BIRC6: variants seen among roughly 807,000 people sequenced by gnomAD.
The protein encoded by BIRC6 is baculoviral IAP repeat containing 6.
A neutral mutation model predicts 503.3 loss-of-function variants in BIRC6; 98 were observed. That is an observed-to-expected ratio of 0.19 (90% confidence interval 0.17 to 0.23). BIRC6 has a LOEUF of 0.23. Among genes scored for constraint, BIRC6 ranks in the 10% least tolerant of loss-of-function variants. BIRC6 has a pLI of 1.00. For synonymous variants in BIRC6, 2,240 were observed against 2,078.7 expected, an observed-to-expected ratio of 1.08 and a Z score of -2.11; for missense variants, 5,360 against 5,806.0, an observed-to-expected ratio of 0.92 and a Z score of 2.50.
In BIRC6 at chr2:32,470,385, T is replaced by C. The variant is rs1351883120; in HGVS notation, c.6481+84T>C. On this transcript the variant is annotated intron_variant, in intron 31 of 73. Transcript: ENST00000421745. ...ATAAAATATCTTCTCTGAAATACTT[T>C]AATAATTATTTGCAGCACATTTAAT... is the stretch of plus-strand genomic sequence containing the variant. 4 of 1,256,522 alleles carry C rather than the reference T, an allele frequency of 3.2e-6. No homozygotes were observed. The Admixed American group carries it at 9.4e-5, about 30-fold the overall frequency. The allele number at this position is 1,256,522 out of a possible 1,614,324, so 77.8% of individuals were successfully genotyped here.
intron 23 of BIRC6, among the ~76,000 whole-genome samples, chr2:32,455,302 C>A (rs1366452459): frequency 6.8e-6 from 1 of 146,150 alleles, no homozygotes; most frequent in Non-Finnish European, 1.5e-5. Flanking sequence ...ATGGCGTGAA[C>A]GTGAGAGGTG....
At chr2:32,531,805 G>A (rs1471950709) in intron 61 of BIRC6, among the ~76,000 whole-genome samples, 1 of 152,148 alleles carries the variant, frequency 6.6e-6, no homozygotes, top group African/African-American at 2.4e-5. Flanking sequence ...TGATTTCATG[G>A]TTGTAACACT....
chr2:32,532,164 T>TGTGTGTGTGG lies in BIRC6; in HGVS notation c.12291+620_12291+621insTGGGTGTGTG, dbSNP rs750782604. Reference sequence around the variant, plus strand: ...GTGTGTGTGTGTGTGTGTGTGTGTGTGTGTGTGGTTATTTTGGTATAGTAG... The same window carrying TGTGTGTGTGG: ...GTGTGTGTGTGTGTGTGTGTGTGTGTGTGTGTGTGGGTGTGTGGTTATTTTGGTATAGTAG... On this transcript the variant is annotated intron_variant, in intron 61 of 73. Transcript: ENST00000421745. 9.4e-6 allele frequency: 5 copies of TGTGTGTGTGG among 532,096 alleles called. No individual in the cohort carries two copies. In the Admixed American group the frequency reaches 9.7e-5, roughly 10 times the overall value. 33.0% of individuals were successfully genotyped at this position (532,096 alleles called of 1,614,324 possible).
chr2:32,480,663 C>T (rs527463798), intron 37 of BIRC6, among the ~76,000 whole-genome samples: 39 of 70,626 alleles, frequency 5.5e-4, no homozygotes, highest in Non-Finnish European at 6.4e-4. Context: ...TTTTTTGAGA[C>T]GGAGTCTTGC....
intron 1 of BIRC6, among the ~76,000 whole-genome samples, chr2:32,362,289 C>G (rs1027294683): frequency 9.3e-5 from 14 of 150,108 alleles, no homozygotes; most frequent in Admixed American, 7.3e-4. Context: ...GCTTATTTGT[C>G]TCTTTTTATA....
At chr2:32,374,240 A>G (rs555913200) in intron 1 of BIRC6, among the ~76,000 whole-genome samples, 6 of 152,248 alleles carry the variant, frequency 3.9e-5, no homozygotes, top group African/African-American at 1.4e-4. Flanking sequence ...CCATGTTTAT[A>G]TAGTCATATC....
chr2:32,573,300 C>T (rs1015456557), intron 65 of BIRC6, among the ~76,000 whole-genome samples: 2 of 152,102 alleles, frequency 1.3e-5, no homozygotes, highest in South Asian at 2.1e-4. Context: ...TGAGTTCAAG[C>T]GATTCTCCTG....
intron 56 of BIRC6, 151 bp from the exon 57 acceptor site, chr2:32,518,666 C>T: frequency 9.6e-7 from 1 of 1,038,040 alleles, no homozygotes; most frequent in South Asian, 1.8e-5. Flanking sequence ...AAAAGTTGAC[C>T]AACAAATCAT....
chr2:32,457,433 T>C (rs2047375701), intron 23 of BIRC6, among the ~76,000 whole-genome samples: 1 of 152,160 alleles, frequency 6.6e-6, no homozygotes, highest in Non-Finnish European at 1.5e-5. Flanking sequence ...TTAGGGCTGA[T>C]TATATTTTTT....
chr2:32,501,967 A>C lies in BIRC6; in HGVS notation c.9207+79A>C, dbSNP rs893257483. ...AAGTGGAAAATTACAGGACAAAGATAAATAAGTATATTTATTATATATCGG... is the reference window on the plus strand; with the variant it reads ...AAGTGGAAAATTACAGGACAAAGATCAATAAGTATATTTATTATATATCGG... On this transcript the variant is annotated intron_variant, in intron 47 of 73. Transcript: ENST00000421745. The C allele has an allele frequency of 3.1e-6, 4 of 1,303,638 alleles. No individual in the cohort carries two copies. The East Asian group carries it at 9.3e-5, about 30-fold the overall frequency. 80.8% of individuals were successfully genotyped at this position (1,303,638 alleles called of 1,614,324 possible). A position where few individuals can be genotyped will look rare whatever the true frequency, so the allele number is the denominator to read the frequency against.
intron 21 of BIRC6, among the ~76,000 whole-genome samples, chr2:32,448,448 A>G (rs765880112): frequency 1.0e-3 from 151 of 151,568 alleles, no homozygotes; most frequent in African/African-American, 3.2e-3. Context: ...TAGGAGCTGG[A>G]GACCAGCCCG....
chr2:32,486,291 C>T (rs1464428435), intron 40 of BIRC6, among the ~76,000 whole-genome samples: 1 of 152,118 alleles, frequency 6.6e-6, no homozygotes, highest in Non-Finnish European at 1.5e-5. Flanking sequence ...TTAGGCTTTC[C>T]TTGCCATATG....
chr2:32,390,085 C>A (rs1003941261), intron 4 of BIRC6, among the ~76,000 whole-genome samples: 1 of 152,190 alleles, frequency 6.6e-6, no homozygotes, highest in African/African-American at 2.4e-5. Context: ...GTGTCGAACT[C>A]CCTACCTCAG....
intron 69 of BIRC6, 80 bp from the exon 70 acceptor site, chr2:32,599,659 T>C (rs1466313965): frequency 2.1e-6 from 3 of 1,444,590 alleles, no homozygotes; most frequent in African/African-American, 1.4e-5. Context: ...GTTGTTCTTA[T>C]TTCATGTTGG....
In BIRC6 at chr2:32,415,386, A is replaced by C. The variant is rs754628240; in HGVS notation, c.2095A>C (p.Thr699Pro). The C allele has an allele frequency of 6.2e-7, 1 of 1,613,932 alleles. No homozygotes were observed. Among genetic ancestry groups the C allele is most frequent in the South Asian group, 1.1e-5 (1 of 91,082 alleles). The change falls in exon 10 of 74, where the codon ACC becomes CCC. Residue 699 changes from threonine (T) to proline (P), a missense_variant. Physicochemically the swap from Thr to Pro is conservative, Grantham distance 38. Around this residue, in one of 16 missense-constraint regions of BIRC6, gnomAD observed 700 missense variants for 739.3 expected, o/e 0.95. Coordinates refer to ENST00000421745, the MANE Select transcript of BIRC6 (RefSeq NM_016252.4). ...QQFADAAANL[T>P]SPDSEKWNSV... ...ATTTGCAGATGCAGCAGCCAACCTT[A>C]CCTCTCCGGATTCTGAGAAGTGGAA...
At position 32,593,971 on chromosome 2, in the gene BIRC6, C is replaced by A. The variant is rs1422101007; in HGVS notation, c.13412C>A (p.Pro4471Gln). The change falls in exon 67 of 74, where the codon CCA becomes CAA. Residue 4471 changes from proline (P) to glutamine (Q), a missense_variant. Pro to Gln is a moderately conservative substitution (Grantham distance 76). Coordinates refer to ENST00000421745, the MANE Select transcript of BIRC6 (RefSeq NM_016252.4). ...AAACCAGATGCGTCTGATCAAGAAC[C>A]AGAAGGACTTACTCTTTTGGTACCA... Reference protein sequence around the residue: ...GVKPDASDQEPEGLTLLVPDI... With the variant: ...GVKPDASDQEQEGLTLLVPDI... 6.2e-7 allele frequency: 1 copy of A among 1,613,244 alleles called. No homozygotes were observed. The highest frequency in any genetic ancestry group is 8.5e-7 in the Non-Finnish European group (1 of 1,179,514).
chr2:32,526,286 G>T (rs925097147), intron 59 of BIRC6, among the ~76,000 whole-genome samples: 2 of 152,146 alleles, frequency 1.3e-5, no homozygotes, highest in Non-Finnish European at 2.9e-5. Flanking sequence ...CATATCCACA[G>T]TGGGTAACAA....
chr2:32,408,091 G>A (rs908271056), intron 9 of BIRC6, among the ~76,000 whole-genome samples: 3 of 151,632 alleles, frequency 2.0e-5, no homozygotes, highest in Non-Finnish European at 2.9e-5. Flanking sequence ...CCTCAGCCTC[G>A]TGAGTAGCTG....
chr2:32,573,181 A>G (rs931487277), intron 65 of BIRC6, among the ~76,000 whole-genome samples: 13 of 152,138 alleles, frequency 8.5e-5, no homozygotes. Flanking sequence ...CTGTCCAGCA[A>G]CAGGTTTTCA....
Sources: allele counts gnomAD v4.1 joint callset (sites outside exome capture counted in the v4.1 genomes callset), GRCh38; gene constraint gnomAD v4.1.1; regional missense constraint gnomAD v4.1.1; transcripts MANE v1.5; gene names NCBI Gene and HGNC (gene_info 2026-07-23, HGNC 2026-07-21).